The following PRSS3 variants were observed in gnomAD, a reference collection of about 807,000 sequenced individuals.
PRSS3 encodes the protein serine protease 3.
In PRSS3, 14 loss-of-function variants were observed where a neutral mutation model predicts 20.8. The observed-to-expected ratio is 0.67, with a 90% CI of 0.44 to 1.05. The LOEUF is 1.05. PRSS3 is among the 50% of genes least tolerant of loss of function. The pLI, the probability that PRSS3 is intolerant of heterozygous loss-of-function variation, is 0.00. For missense variants in PRSS3, 237 were observed against 306.4 expected, an observed-to-expected ratio of 0.77 and a Z score of 1.69; for synonymous variants, 91 against 117.6, an observed-to-expected ratio of 0.77 and a Z score of 1.46.
intron 1 of PRSS3, among the ~76,000 whole-genome samples, chr9:33,774,831 C>CA (rs1823852571): frequency 6.6e-6 from 1 of 151,298 alleles, no homozygotes; most frequent in East Asian, 1.9e-4. Context: ...ACTAAAAACA[C>CA]AAAAAAATTA....
In PRSS3 at chr9:33,779,867, TAAAAAAAAAAAAAAAA is replaced by T. The variant is rs35501160; in HGVS notation, c.-52-14865_-52-14850del. Among the ~76,000 whole-genome samples, 10 of 31,822 alleles carry T rather than the reference TAAAAAAAAAAAAAAAA, an allele frequency of 3.1e-4. 1 individual carries two copies. The highest frequency in any genetic ancestry group is 1.8e-3 in the Admixed American group (3 of 1,690). The allele number at this position is 31,822 out of a possible 152,430, so 20.9% of individuals were successfully genotyped here. On this transcript the variant is annotated intron_variant, in intron 1 of 5. Coordinates refer to the PRSS3 transcript ENST00000342836. ...CTGGGTGACAGAGCGAGACTCTGTC[TAAAAAAAAAAAAAAAA>T]AAAAAAAAAAAAACCTCTAACAAAT...
upstream of PRSS3, chr9:33,793,638 G>A (rs1320702025): frequency 1.1e-6 from 1 of 945,602 alleles, no homozygotes; most frequent in Non-Finnish European, 1.3e-6. Flanking sequence ...CCTCTGCCTT[G>A]ATCCTCAATA....
intron 1 of PRSS3, among the ~76,000 whole-genome samples, chr9:33,784,710 G>C (rs1029391612): frequency 1.4e-4 from 22 of 152,182 alleles, no homozygotes; most frequent in African/African-American, 5.3e-4. Flanking sequence ...AGATAGGTGA[G>C]TTTTTGCAAG....
intron 1 of PRSS3, among the ~76,000 whole-genome samples, chr9:33,770,877 A>C (rs1374791643): frequency 6.6e-6 from 1 of 152,238 alleles, no homozygotes. Flanking sequence ...AAAAGGACTC[A>C]GTGCTGATTC....
chr9:33,760,670 C>T (rs1313248963), intron 1 of PRSS3, among the ~76,000 whole-genome samples: 2 of 146,484 alleles, frequency 1.4e-5, no homozygotes, highest in Non-Finnish European at 1.5e-5. Context: ...GCCGTGAACC[C>T]AGAAGGTGGA....
At chr9:33,798,283 A>G in intron 3 of PRSS3, 2 of 1,270,730 alleles carry the variant, frequency 1.6e-6, no homozygotes, top group Admixed American at 2.3e-5. Flanking sequence ...GGACAAATGG[A>G]GAACTTGCTG....
intron 1 of PRSS3, among the ~76,000 whole-genome samples, chr9:33,759,937 G>C (rs1330554886): frequency 1.3e-5 from 2 of 152,212 alleles, no homozygotes; most frequent in East Asian, 3.8e-4. Context: ...GATGCTGAGG[G>C]AAGGAAGGAA....
chr9:33,796,075 C>T (rs1824913686), intron 1 of PRSS3, among the ~76,000 whole-genome samples: 1 of 152,208 alleles, frequency 6.6e-6, no homozygotes, highest in South Asian at 2.1e-4. Flanking sequence ...TGATTTTTAA[C>T]GTTTCCAGGC....
upstream of PRSS3, among the ~76,000 whole-genome samples, chr9:33,790,900 G>A (rs1421869859): frequency 2.0e-5 from 3 of 152,090 alleles, no homozygotes; most frequent in Non-Finnish European, 2.9e-5. Flanking sequence ...TTTCCCTGGA[G>A]GAAAACTCTA....
intron 1 of PRSS3, chr9:33,786,018 G>T: frequency 4.2e-6 from 1 of 240,878 alleles, no homozygotes; most frequent in Non-Finnish European, 7.9e-6. Flanking sequence ...CATGCTGCAA[G>T]GCTTGTGCAT....
upstream of PRSS3, among the ~76,000 whole-genome samples, chr9:33,791,010 C>T (rs1178140263): frequency 2.0e-5 from 3 of 152,114 alleles, no homozygotes; most frequent in Non-Finnish European, 4.4e-5. Context: ...ATTTTTTATT[C>T]TTGTTTCAAA....
chr9:33,750,857 G>T lies in PRSS3; in HGVS notation c.-53+130G>T, dbSNP rs1209455558. On this transcript the variant is annotated intron_variant, in intron 1 of 5. Transcript: ENST00000342836. This position sits in a 1 kb window ranked among gnomAD's most constrained non-coding sequence, Gnocchi z 4.8. ...GCATGGGACCTGCGGGGGAGGGTACGCGGACAGGGAGGGGATACCGACTGG... is the reference window on the plus strand; with the variant it reads ...GCATGGGACCTGCGGGGGAGGGTACTCGGACAGGGAGGGGATACCGACTGG... 2 of 1,382,404 alleles carry T rather than the reference G, an allele frequency of 1.4e-6. No individual in the cohort carries two copies. Among genetic ancestry groups the T allele is most frequent in the African/African-American group, 1.5e-5 (1 of 65,360 alleles). The allele number at this position is 1,382,404 out of a possible 1,614,324, so 85.6% of individuals were successfully genotyped here.
intron 1 of PRSS3, among the ~76,000 whole-genome samples, chr9:33,776,814 T>C (rs941050626): frequency 3.9e-5 from 6 of 152,094 alleles, no homozygotes; most frequent in Non-Finnish European, 5.9e-5. Context: ...CTCAGTGATC[T>C]TTAGAAAAAT....
intron 1 of PRSS3, among the ~76,000 whole-genome samples, chr9:33,768,785 G>A (rs554124168): frequency 6.6e-6 from 1 of 151,816 alleles, no homozygotes; most frequent in East Asian, 1.9e-4. Context: ...GAGCCCGGGG[G>A]GCAGAGGTTG....
At chr9:33,768,488 A>C (rs1257472731) in intron 1 of PRSS3, among the ~76,000 whole-genome samples, 1 of 151,906 alleles carries the variant, frequency 6.6e-6, no homozygotes, top group East Asian at 1.9e-4. Flanking sequence ...AAGGAAAAAA[A>C]AAAACAACAA....
chr9:33,796,681 G>C lies in PRSS3; in HGVS notation c.79G>C (p.Gly27Arg). Residue 27 changes from glycine to arginine, a missense_variant, in exon 2 of 5, where the codon GGC (glycine) becomes CGC (arginine). Coordinates refer to ENST00000379405, the MANE Select transcript of PRSS3 (RefSeq NM_002771.4). ...TGACGATGATGACAAGATTGTTGGG[G>C]GCTACACCTGTGAGGAGAATTCTCT... ...PFDDDDKIVG[G>R]YTCEENSLPY... is the part of the protein sequence containing the mutation. The C allele has an allele frequency of 6.2e-7, 1 of 1,612,400 alleles. No individual in the cohort carries two copies. The highest frequency in any genetic ancestry group is 8.5e-7 in the Non-Finnish European group (1 of 1,179,174).
chr9:33,766,532 C>A (rs113904695), intron 1 of PRSS3, among the ~76,000 whole-genome samples: 10,740 of 152,126 alleles, frequency 0.071, 481 homozygotes, highest in Middle Eastern at 0.11. Flanking sequence ...GAGATCGCAC[C>A]ACTGCGCTCC....
At chr9:33,762,146 A>G (rs1411572035) in intron 1 of PRSS3, 1 of 152,200 alleles carries the variant, frequency 6.6e-6, no homozygotes, top group African/African-American at 2.4e-5. Flanking sequence ...CCGATCAGGA[A>G]CCAAAACGAG....
intron 1 of PRSS3, among the ~76,000 whole-genome samples, chr9:33,776,486 A>G (rs993676045): frequency 2.0e-5 from 3 of 152,248 alleles, no homozygotes; most frequent in Non-Finnish European, 4.4e-5. Flanking sequence ...TTCAAATTCT[A>G]TTATAAAGCT....
Sources: allele counts gnomAD v4.1 joint callset (sites outside exome capture counted in the v4.1 genomes callset), GRCh38; gene constraint gnomAD v4.1.1; non-coding constraint Gnocchi (gnomAD v3.1); transcripts MANE v1.5; gene names NCBI Gene and HGNC (gene_info 2026-07-23, HGNC 2026-07-21).